The following SORCS2 variants were observed in gnomAD, a reference collection of about 807,000 sequenced individuals.
SORCS2 encodes the protein sortilin related VPS10 domain containing receptor 2, also known as VPS10 domain-containing receptor SorCS2.
In SORCS2, 100 loss-of-function variants were observed where a neutral mutation model predicts 141.6. The ratio of observed to expected loss-of-function variants is 0.71; its 90% confidence interval spans 0.60 to 0.83. SORCS2 has a LOEUF of 0.83. SORCS2 is among the 40% of genes least tolerant of loss of function. The pLI, the probability that SORCS2 is intolerant of heterozygous loss-of-function variation, is 0.00. For synonymous variants in SORCS2, 789 were observed against 676.9 expected, an observed-to-expected ratio of 1.17 and a Z score of -2.57; for missense variants, 1,646 against 1,560.2, an observed-to-expected ratio of 1.05 and a Z score of -0.93.
chr4:7,287,206 G>A (rs754326456), intron 1 of SORCS2, among the ~76,000 whole-genome samples: 8 of 152,210 alleles, frequency 5.3e-5, no homozygotes, highest in African/African-American at 1.7e-4. Context: ...AATCCCAGAT[G>A]AGAAAGATCA....
intron 1 of SORCS2, among the ~76,000 whole-genome samples, chr4:7,358,607 C>T (rs1721400567): frequency 6.6e-6 from 1 of 152,188 alleles, no homozygotes; most frequent in South Asian, 2.1e-4. Context: ...ATGCATGACT[C>T]GTGTCCTCTA....
At chr4:7,237,838 C>T (rs1186313694) in intron 1 of SORCS2, among the ~76,000 whole-genome samples, 3 of 151,958 alleles carry the variant, frequency 2.0e-5, no homozygotes, top group African/African-American at 7.3e-5. Context: ...TTGACATACT[C>T]TATTGTGGAT....
intron 1 of SORCS2, among the ~76,000 whole-genome samples, chr4:7,348,395 C>G (rs1192019057): frequency 1.3e-5 from 2 of 152,204 alleles, no homozygotes; most frequent in East Asian, 1.9e-4. Context: ...CTTAGAGGCT[C>G]TTTCTTGTGG....
intron 3 of SORCS2, among the ~76,000 whole-genome samples, chr4:7,616,055 T>C (rs531835110): frequency 2.0e-5 from 3 of 152,374 alleles, no homozygotes; most frequent in African/African-American, 7.2e-5. Context: ...GGGTGTCCTA[T>C]ATTTTCTGGC....
intron 3 of SORCS2, among the ~76,000 whole-genome samples, chr4:7,536,597 C>A (rs1391662129): frequency 6.6e-6 from 1 of 152,128 alleles, no homozygotes; most frequent in Admixed American, 6.5e-5. Context: ...CTCCCTACTC[C>A]TCAGCCGTGC....
chr4:7,369,691 T>TCGG (rs1475674179), intron 1 of SORCS2, among the ~76,000 whole-genome samples: 1 of 152,232 alleles, frequency 6.6e-6, no homozygotes, highest in Admixed American at 6.5e-5. Context: ...GCATTAGTCC[T>TCGG]GGAGGTCCTG....
intron 3 of SORCS2, among the ~76,000 whole-genome samples, chr4:7,552,240 T>C (rs78942621): frequency 6.6e-6 from 1 of 152,106 alleles, no homozygotes; most frequent in Non-Finnish European, 1.5e-5. Flanking sequence ...TTGCTGAGGG[T>C]CCTTGGCTGT....
intron 12 of SORCS2, among the ~76,000 whole-genome samples, chr4:7,698,634 C>T (rs191312618): frequency 3.0e-4 from 45 of 152,274 alleles, no homozygotes; most frequent in African/African-American, 1.0e-3. Flanking sequence ...TCGCTTTTGC[C>T]GAGGAATTTG....
intron 1 of SORCS2, among the ~76,000 whole-genome samples, chr4:7,296,009 C>T (rs916515392): frequency 5.9e-5 from 9 of 152,170 alleles, no homozygotes; most frequent in African/African-American, 1.7e-4. Context: ...GTGGGAGCTG[C>T]GTCATGGCTG....
chr4:7,269,488 G>A (rs940571316), intron 1 of SORCS2, among the ~76,000 whole-genome samples: 1 of 152,222 alleles, frequency 6.6e-6, no homozygotes, highest in Non-Finnish European at 1.5e-5. Flanking sequence ...AGGATCTTGC[G>A]ATGAGATCAT....
rs1730139387 is a variant in SORCS2, at chr4:7,474,019, T to C, written c.549-57511T>C. Among the ~76,000 whole-genome samples the C allele has an allele frequency of 3.9e-5, 6 of 152,216 alleles. No individual in the cohort carries two copies. In the South Asian group the frequency reaches 1.2e-3, roughly 32 times the overall value. On this transcript the variant is annotated intron_variant, in intron 2 of 26. Transcript: ENST00000507866. ...CCATCTGAAGCTCCTAATGAAGCTC[T>C]GTGCCTTGGCATGTGCTGAGATGCC...
intron 1 of SORCS2, among the ~76,000 whole-genome samples, chr4:7,374,659 G>A (rs1412192082): frequency 6.6e-6 from 1 of 152,160 alleles, no homozygotes; most frequent in Non-Finnish European, 1.5e-5. Context: ...ACGACCAAGA[G>A]CTGGGGTCCC....
intron 23 of SORCS2, among the ~76,000 whole-genome samples, chr4:7,730,139 A>G (rs1332053892): frequency 6.6e-6 from 1 of 152,170 alleles, no homozygotes; most frequent in Non-Finnish European, 1.5e-5. Flanking sequence ...ATTGCACAGG[A>G]CAACTTCTAA....
intron 1 of SORCS2, among the ~76,000 whole-genome samples, chr4:7,392,714 G>A (rs117042632): frequency 0.011 from 1,707 of 152,154 alleles, 60 homozygotes; most frequent in Admixed American, 0.064. Flanking sequence ...TGCTTGTCCC[G>A]TGCTTAGGAG....
rs142209846 is a variant in SORCS2, at chr4:7,454,019, G to A, written c.548+57664G>A. ...GTTGGGGTCAGGAGCTCTGTGTTAGGGTCAGGTGCTGTGTTGGGGCCAGGC... is the reference window on the plus strand; with the variant it reads ...GTTGGGGTCAGGAGCTCTGTGTTAGAGTCAGGTGCTGTGTTGGGGCCAGGC... On this transcript the variant is annotated intron_variant, in intron 2 of 26. Transcript: ENST00000507866. Among the ~76,000 whole-genome samples, 330 of 108,762 alleles carry A rather than the reference G, an allele frequency of 3.0e-3. 7 individuals are homozygous for A. The highest frequency in any genetic ancestry group is 0.015 in the Admixed American group (147 of 9,784). The allele number at this position is 108,762 out of a possible 152,430, so 71.4% of individuals were successfully genotyped here. A position where few individuals can be genotyped will look rare whatever the true frequency, so the allele number is the denominator to read the frequency against.
At chr4:7,258,631 G>C (rs1404984588) in intron 1 of SORCS2, among the ~76,000 whole-genome samples, 1 of 152,204 alleles carries the variant, frequency 6.6e-6, no homozygotes, top group Non-Finnish European at 1.5e-5. Context: ...CTTTATAGTA[G>C]AATGATTTAT....
At chr4:7,728,309 T>G in intron 21 of SORCS2, 41 bp from the exon 22 acceptor site, 1 of 1,497,684 alleles carries the variant, frequency 6.7e-7, no homozygotes, top group Non-Finnish European at 9.2e-7. Context: ...AGAGCCAGGC[T>G]GTCCAGAACT....
chr4:7,221,885 T>C (rs1441146438), intron 1 of SORCS2, among the ~76,000 whole-genome samples: 1 of 152,238 alleles, frequency 6.6e-6, no homozygotes, highest in Non-Finnish European at 1.5e-5. Flanking sequence ...ACTGGTTCAA[T>C]ATGGACCAAG....
chr4:7,428,802 G>C lies in SORCS2; in HGVS notation c.548+32447G>C, dbSNP rs957921457. On this transcript the variant is annotated intron_variant, in intron 2 of 26. Coordinates refer to ENST00000507866, the MANE Select transcript of SORCS2 (RefSeq NM_020777.3). ...CCTCAGCTTTTATCTGCTTTTACTGGGAGTGAGGAGGTTGTGAGCTGGCCC... is the reference window on the plus strand; with the variant it reads ...CCTCAGCTTTTATCTGCTTTTACTGCGAGTGAGGAGGTTGTGAGCTGGCCC... 5.4e-4 allele frequency among the ~76,000 whole-genome samples: 82 copies of C among 152,134 alleles called. 5 individuals are homozygous for C. Among genetic ancestry groups the C allele is most frequent in the Non-Finnish European group, 7.4e-5 (5 of 68,010 alleles).
Sources: gnomAD v4.1 joint callset for allele counts (sites outside exome capture counted in the v4.1 genomes callset) on GRCh38, gnomAD v4.1.1 for gene constraint, MANE v1.5 for transcripts, NCBI Gene and HGNC (gene_info 2026-07-23, HGNC 2026-07-21) for gene names.